KCNIP4: variants seen among roughly 807,000 people sequenced by gnomAD.
The protein encoded by KCNIP4 is potassium voltage-gated channel interacting protein 4.
A neutral mutation model predicts 34.0 loss-of-function variants in KCNIP4; 12 were observed. That is an observed-to-expected ratio of 0.35 (90% confidence interval 0.23 to 0.57). KCNIP4 has a LOEUF of 0.57. Among genes scored for constraint, KCNIP4 ranks in the 20% least tolerant of loss-of-function variants. KCNIP4 has a pLI of 0.83. For synonymous variants in KCNIP4, 124 were observed against 102.2 expected, an observed-to-expected ratio of 1.21 and a Z score of -1.29; for missense variants, 238 against 311.7, an observed-to-expected ratio of 0.76 and a Z score of 1.78.
chr4:20,802,123 CTA>C (rs767562739), intron 3 of KCNIP4, among the ~76,000 whole-genome samples: 33 of 137,106 alleles, frequency 2.4e-4, no homozygotes, highest in South Asian at 9.6e-4. Context: ...TATATATATG[CTA>C]TATATATGCT....
intron 1 of KCNIP4, among the ~76,000 whole-genome samples, chr4:21,442,087 G>C (rs1727529884): frequency 6.6e-6 from 1 of 152,108 alleles, no homozygotes; most frequent in East Asian, 1.9e-4. Flanking sequence ...TTTTCAAAAT[G>C]TATTCTCCTT....
At chr4:21,233,860 T>A (rs1003595057) in intron 1 of KCNIP4, among the ~76,000 whole-genome samples, 1 of 138,848 alleles carries the variant, frequency 7.2e-6, no homozygotes, top group Admixed American at 7.6e-5. Context: ...ATATAGTCAA[T>A]ATGACTTTGA....
At chr4:21,896,100 AT>A (rs999289244) in intron 1 of KCNIP4, among the ~76,000 whole-genome samples, 9 of 152,050 alleles carry the variant, frequency 5.9e-5, no homozygotes, top group African/African-American at 2.2e-4. Context: ...CTTTCCATAC[AT>A]TGTCTCACTT....
At chr4:20,754,420 A>G (rs1437209064) in intron 4 of KCNIP4, among the ~76,000 whole-genome samples, 2 of 152,174 alleles carry the variant, frequency 1.3e-5, no homozygotes, top group African/African-American at 2.4e-5. Flanking sequence ...TCAGACCATC[A>G]TCCTGAATAA....
At chr4:21,187,985 A>G (rs1755365266) in intron 1 of KCNIP4, among the ~76,000 whole-genome samples, 1 of 152,204 alleles carries the variant, frequency 6.6e-6, no homozygotes, top group Non-Finnish European at 1.5e-5. Flanking sequence ...CTAACTATCA[A>G]TAATGACAAT....
At chr4:21,714,875 T>TTTTATTTTATTTTATTTTATTTTATTTTA (rs1714116024) in intron 1 of KCNIP4, among the ~76,000 whole-genome samples, 2 of 274 alleles carry the variant, frequency 7.3e-3, no homozygotes, top group Non-Finnish European at 0.011. Context: ...TTTTATTTTA[T>TTTTATTTTATTTTATTTTATTTTATTTTA]TTTATTTTAT....
intron 1 of KCNIP4, among the ~76,000 whole-genome samples, chr4:20,959,259 T>C (rs746539226): frequency 3.3e-5 from 5 of 152,192 alleles, no homozygotes; most frequent in Non-Finnish European, 7.4e-5. Context: ...TACTTTGAAA[T>C]AATTGCCTTT....
chr4:21,621,413 G>A (rs188323637), intron 1 of KCNIP4, among the ~76,000 whole-genome samples: 1 of 152,166 alleles, frequency 6.6e-6, no homozygotes, highest in South Asian at 2.1e-4. Flanking sequence ...CCAGGCTGGA[G>A]TGACGTGGTG....
At chr4:20,809,927 G>A (rs184673109) in intron 3 of KCNIP4, among the ~76,000 whole-genome samples, 12 of 152,286 alleles carry the variant, frequency 7.9e-5, no homozygotes, top group Admixed American at 7.2e-4. Context: ...CCGGCCTGCT[G>A]GAGTGCTGAC....
chr4:21,046,492 C>T (rs1036079515), intron 1 of KCNIP4, among the ~76,000 whole-genome samples: 43 of 151,918 alleles, frequency 2.8e-4, no homozygotes, highest in African/African-American at 9.7e-4. Flanking sequence ...AGTAGAAGAA[C>T]TTAGGATTTA....
At chr4:20,850,739 A>T in intron 2 of KCNIP4, 72 bp from the exon 3 acceptor site, 2 of 1,527,028 alleles carry the variant, frequency 1.3e-6, no homozygotes, top group Non-Finnish European at 1.8e-6. Context: ...GCAACAAAGG[A>T]AAACGGAAGA....
chr4:21,037,420 G>T (rs1223649796), intron 1 of KCNIP4, among the ~76,000 whole-genome samples: 1 of 152,050 alleles, frequency 6.6e-6, no homozygotes, highest in African/African-American at 2.4e-5. Flanking sequence ...CCTTTTCTCT[G>T]TTTAGATACA....
At chr4:21,539,354 T>A (rs1354257527) in intron 1 of KCNIP4, among the ~76,000 whole-genome samples, 1 of 152,126 alleles carries the variant, frequency 6.6e-6, no homozygotes, top group African/African-American at 2.4e-5. Context: ...CAGGACCTCC[T>A]TTTGTAAGAG....
chr4:21,113,970 C>A (rs1453581428), intron 1 of KCNIP4, among the ~76,000 whole-genome samples: 1 of 152,142 alleles, frequency 6.6e-6, no homozygotes, highest in African/African-American at 2.4e-5. Flanking sequence ...TGAGATTTCT[C>A]TGCTTTTTCT....
At chr4:20,965,557 G>T (rs918111869) in intron 1 of KCNIP4, among the ~76,000 whole-genome samples, 8 of 152,158 alleles carry the variant, frequency 5.3e-5, no homozygotes, top group African/African-American at 1.9e-4. Flanking sequence ...CTTAACTTGT[G>T]CCCTAAAGAA....
At chr4:20,767,645 A>G (rs2149374396) in intron 3 of KCNIP4, among the ~76,000 whole-genome samples, 1 of 152,308 alleles carries the variant, frequency 6.6e-6, no homozygotes, top group Middle Eastern at 3.4e-3. Flanking sequence ...GTATAATAAC[A>G]TCATATAATT....
At chr4:20,938,204 T>G (rs1420755446) in intron 1 of KCNIP4, among the ~76,000 whole-genome samples, 4 of 151,870 alleles carry the variant, frequency 2.6e-5, no homozygotes, top group Non-Finnish European at 5.9e-5. Context: ...TGCTAGTTTT[T>G]TTTTTTTTTT....
chr4:20,737,312 A>AATGTT (rs1458620762), intron 5 of KCNIP4, among the ~76,000 whole-genome samples: 1 of 152,200 alleles, frequency 6.6e-6, no homozygotes, highest in Admixed American at 6.5e-5. Flanking sequence ...AGGTTGGAAA[A>AATGTT]ATGTTCACTG....
chr4:21,790,266 G>C (rs1211505198), intron 1 of KCNIP4, among the ~76,000 whole-genome samples: 1 of 152,174 alleles, frequency 6.6e-6, no homozygotes, highest in East Asian at 1.9e-4. Flanking sequence ...ATCATTCCCT[G>C]ATAAGTGTGT....
Sources: gnomAD v4.1 joint callset for allele counts (sites outside exome capture counted in the v4.1 genomes callset) on GRCh38, gnomAD v4.1.1 for gene constraint, MANE v1.5 for transcripts, NCBI Gene and HGNC (gene_info 2026-07-23, HGNC 2026-07-21) for gene names.